The following B3GALT1 variants were observed in gnomAD, a reference collection of about 807,000 sequenced individuals.
B3GALT1 encodes UDP-Gal:betaGlcNAc beta 1,3-galactosyltransferase, polypeptide 1.
In B3GALT1, 10 loss-of-function variants were observed where a neutral mutation model predicts 23.2. That is an observed-to-expected ratio of 0.43 (90% CI 0.27 to 0.73). The LOEUF (loss-of-function observed/expected upper bound fraction) is 0.73, where lower values mean the gene tolerates loss of function less well. Ranked by LOEUF, B3GALT1 falls within the 30% of genes least tolerant of loss-of-function variation. The pLI, the probability that B3GALT1 is intolerant of heterozygous loss-of-function variation, is 0.21. For missense variants in B3GALT1, 299 were observed against 405.4 expected, an observed-to-expected ratio of 0.74 and a Z score of 2.25; for synonymous variants, 156 against 141.5, an observed-to-expected ratio of 1.10 and a Z score of -0.73.
intron 1 of B3GALT1, among the ~76,000 whole-genome samples, chr2:167,301,807 C>T (rs967851222): frequency 6.6e-6 from 1 of 152,152 alleles, no homozygotes; most frequent in South Asian, 2.1e-4. Flanking sequence ...CCTGGGCCCC[C>T]CAAAGTGTTG....
intron 1 of B3GALT1, among the ~76,000 whole-genome samples, chr2:167,458,741 C>T (rs902623070): frequency 2.0e-5 from 3 of 152,166 alleles, no homozygotes; most frequent in East Asian, 3.9e-4. Flanking sequence ...GCTTATTGGC[C>T]GTTTGTTTAT....
intron 3 of B3GALT1, among the ~76,000 whole-genome samples, chr2:167,676,117 T>A (rs1200387403): frequency 6.6e-6 from 1 of 151,946 alleles, no homozygotes. Flanking sequence ...AATCTCATGG[T>A]TCCAGATTCT....
intron 3 of B3GALT1, among the ~76,000 whole-genome samples, chr2:167,788,378 A>G (rs1165530836): frequency 6.6e-6 from 1 of 151,972 alleles, no homozygotes; most frequent in Non-Finnish European, 1.5e-5. Context: ...ATCATTCTAC[A>G]ACTTGCCATA....
chr2:167,561,403 A>T (rs1203966771), intron 2 of B3GALT1, among the ~76,000 whole-genome samples: 1 of 152,168 alleles, frequency 6.6e-6, no homozygotes, highest in Non-Finnish European at 1.5e-5. Context: ...GAGCTAGAAA[A>T]GCAAGAGCAA....
intron 1 of B3GALT1, among the ~76,000 whole-genome samples, chr2:167,352,942 A>G (rs1188464485): frequency 6.6e-6 from 1 of 152,216 alleles, no homozygotes; most frequent in Non-Finnish European, 1.5e-5. Context: ...CACTGTACAT[A>G]ATAAACCCAG....
rs576579591 is a variant in B3GALT1, at chr2:167,483,348, T to C, written c.-510-6829T>C. On this transcript the variant is annotated intron_variant, in intron 1 of 4. Transcript: ENST00000392690. Reference sequence around the variant, plus strand: ...TTCTTGAGGCCAAAACAATAGTATCTACAAACATAAACACTGGGTTCATAT... The same window carrying C: ...TTCTTGAGGCCAAAACAATAGTATCCACAAACATAAACACTGGGTTCATAT... Among the ~76,000 whole-genome samples the C allele has an allele frequency of 7.2e-5, 11 of 152,232 alleles. No homozygotes were observed. In the South Asian group the frequency reaches 2.3e-3, roughly 32 times the overall value.
At position 167,295,947 on chromosome 2, in the gene B3GALT1, G is replaced by T. The variant is rs550030941; in HGVS notation, c.-511+2613G>T. On this transcript the variant is annotated intron_variant, in intron 1 of 4. Coordinates refer to ENST00000392690, the MANE Select transcript of B3GALT1 (RefSeq NM_020981.4). ...ATATGTTTAAGCATAAACAAATGAT[G>T]CAGAGTTGGGGTTGGGGGTGGGCAC... 2.6e-5 allele frequency among the ~76,000 whole-genome samples: 4 copies of T among 152,340 alleles called. No homozygotes were observed. In the East Asian group the frequency reaches 7.7e-4, roughly 29 times the overall value.
At chr2:167,338,521 A>G (rs1697096339) in intron 1 of B3GALT1, among the ~76,000 whole-genome samples, 1 of 152,140 alleles carries the variant, frequency 6.6e-6, no homozygotes, top group Non-Finnish European at 1.5e-5. Context: ...CCGAAAACTT[A>G]GTAGATGATA....
Position 167,730,073 on chromosome 2 carries a change from T to G in B3GALT1, c.-352+83107T>G, listed in dbSNP as rs139883864. On this transcript the variant is annotated intron_variant, in intron 3 of 4. Transcript: ENST00000392690. ...CCAAAAGAAAGAAAGGAGTCCATTG[T>G]CTCTTTATGACAGCCAAAAATAGAA... Among the ~76,000 whole-genome samples, 4 of 152,232 alleles carry G rather than the reference T, an allele frequency of 2.6e-5. No homozygotes were observed. In the East Asian group the frequency reaches 7.7e-4, roughly 29 times the overall value.
intron 3 of B3GALT1, among the ~76,000 whole-genome samples, chr2:167,676,379 T>G (rs1174719380): frequency 6.6e-6 from 1 of 152,068 alleles, no homozygotes; most frequent in Non-Finnish European, 1.5e-5. Context: ...ATTTTTTAAG[T>G]GAATACGTAA....
intron 2 of B3GALT1, among the ~76,000 whole-genome samples, chr2:167,611,141 A>G (rs1685058133): frequency 6.6e-6 from 1 of 151,864 alleles, no homozygotes; most frequent in Admixed American, 6.6e-5. Context: ...TGAACCTAAA[A>G]TAAAAGTTAA....
intron 1 of B3GALT1, among the ~76,000 whole-genome samples, chr2:167,449,363 G>T (rs1266218900): frequency 6.6e-6 from 1 of 152,070 alleles, no homozygotes; most frequent in Non-Finnish European, 1.5e-5. Context: ...TGAAGCTATT[G>T]TAAAAGGTGT....
At chr2:167,442,484 C>G (rs1189761403) in intron 1 of B3GALT1, among the ~76,000 whole-genome samples, 1 of 151,822 alleles carries the variant, frequency 6.6e-6, no homozygotes, top group Non-Finnish European at 1.5e-5. Context: ...AACTAGTTTA[C>G]AGTCCCACCA....
chr2:167,809,142 T>C (rs957002591), intron 3 of B3GALT1, among the ~76,000 whole-genome samples: 1 of 152,258 alleles, frequency 6.6e-6, no homozygotes, highest in Non-Finnish European at 1.5e-5. Context: ...CATCAGGTCC[T>C]TTAAGGACTT....
chr2:167,714,267 G>A (rs771980972), intron 3 of B3GALT1: 84 of 1,500,162 alleles, frequency 5.6e-5, no homozygotes, highest in Admixed American at 1.2e-4. Flanking sequence ...CTACGGTCCT[G>A]TTCCCATGGA....
At chr2:167,567,006 G>A (rs1199790990) in intron 2 of B3GALT1, among the ~76,000 whole-genome samples, 2 of 152,156 alleles carry the variant, frequency 1.3e-5, no homozygotes, top group Non-Finnish European at 2.9e-5. Context: ...CTGGAAAATA[G>A]CACAGAGAAT....
Position 167,871,827 on chromosome 2 carries a change from A to G in B3GALT1, c.*1807A>G, listed in dbSNP as rs944855788. The G allele has an allele frequency of 2.6e-5, 4 of 152,044 alleles. No individual in the cohort carries two copies. The highest frequency in any genetic ancestry group is 9.7e-5 in the African/African-American group (4 of 41,368). The allele number at this position is 152,044 out of a possible 1,614,324, so 9.4% of individuals were successfully genotyped here. ...TGCACATCTTCTACCATTTATTAGA[A>G]AACACCTGTTTGTTCTCAAAGAAAG... On this transcript the variant is annotated 3_prime_UTR_variant, in exon 5 of 5. Coordinates refer to ENST00000392690, the MANE Select transcript of B3GALT1 (RefSeq NM_020981.4).
At chr2:167,527,192 G>T (rs934334174) in intron 2 of B3GALT1, among the ~76,000 whole-genome samples, 3 of 151,918 alleles carry the variant, frequency 2.0e-5, no homozygotes, top group African/African-American at 7.2e-5. Flanking sequence ...CACAGTTAAT[G>T]ATGTGAAAGA....
chr2:167,418,317 T>G (rs984634787), intron 1 of B3GALT1, among the ~76,000 whole-genome samples: 7 of 152,174 alleles, frequency 4.6e-5, no homozygotes, highest in Admixed American at 3.9e-4. Flanking sequence ...TATAAGAGAC[T>G]TGAGGGAAAA....
Sources: gnomAD v4.1 joint callset for allele counts (sites outside exome capture counted in the v4.1 genomes callset) on GRCh38, gnomAD v4.1.1 for gene constraint, MANE v1.5 for transcripts, NCBI Gene and HGNC (gene_info 2026-07-23, HGNC 2026-07-21) for gene names.